The following MYZAP variants were observed in gnomAD, a reference collection of about 807,000 sequenced individuals.
MYZAP encodes the protein GRINL1A complex locus upstream.
Under a neutral mutation model 69.4 loss-of-function variants are expected in MYZAP, and 66 were observed. The observed-to-expected ratio is 0.95, with a 90% CI of 0.78 to 1.17. MYZAP has a LOEUF of 1.17. Ranked by LOEUF, MYZAP falls within the 50% of genes most tolerant of loss-of-function variation. The pLI is 0.00. For synonymous variants in MYZAP, 256 were observed against 205.9 expected (o/e 1.24, Z -2.09); for missense variants, 611 against 556.2 (o/e 1.10, Z -0.99).
Position 57,684,556 on chromosome 15 carries a change from C to G in MYZAP, c.*58C>G. 1.7e-6 allele frequency: 2 copies of G among 1,144,174 alleles called. No individual in the cohort carries two copies. Among genetic ancestry groups the G allele is most frequent in the Non-Finnish European group, 2.6e-6 (2 of 773,402 alleles). The allele number at this position is 1,144,174 out of a possible 1,614,324, so 70.9% of individuals were successfully genotyped here. A position where few individuals can be genotyped will look rare whatever the true frequency, so the allele number is the denominator to read the frequency against. ...CAAAAGCTCTGGAACCCTGTGGCTT[C>G]AAATCCTTTGGGAAGGGTGACTGTT... On this transcript the variant is annotated 3_prime_UTR_variant, in exon 13 of 13. Transcript: ENST00000267853.
rs147950865 is a variant in MYZAP, at chr15:57,655,285, A to G, written c.1120-6165A>G. 4.8e-3 allele frequency among the ~76,000 whole-genome samples: 731 copies of G among 152,314 alleles called. 5 individuals carry two copies. The highest frequency in any genetic ancestry group is 0.017 in the African/African-American group (691 of 41,572). On this transcript the variant is annotated intron_variant, in intron 10 of 12. Coordinates refer to ENST00000267853, the MANE Select transcript of MYZAP (RefSeq NM_001018100.5). ...TGTTCAAAGTCCTGGAGGCGGGACCATAGTGTGTTCATGCAGTGCTGAGAG... is the reference window on the plus strand; with the variant it reads ...TGTTCAAAGTCCTGGAGGCGGGACCGTAGTGTGTTCATGCAGTGCTGAGAG...
At chr15:57,650,303 C>A (rs2037664304) in intron 10 of MYZAP, among the ~76,000 whole-genome samples, 1 of 152,046 alleles carries the variant, frequency 6.6e-6, no homozygotes, top group South Asian at 2.1e-4. Context: ...TGAGGAGGAG[C>A]CAGGTACAAT....
intron 3 of MYZAP, among the ~76,000 whole-genome samples, chr15:57,620,081 G>A (rs148686638): frequency 6.6e-6 from 1 of 152,084 alleles, no homozygotes; most frequent in East Asian, 1.9e-4. Context: ...AGCAGCACAA[G>A]AGCCAGCTCA....
At chr15:57,611,598 C>G (rs1394076162) in intron 2 of MYZAP, among the ~76,000 whole-genome samples, 1 of 152,130 alleles carries the variant, frequency 6.6e-6, no homozygotes, top group Non-Finnish European at 1.5e-5. Context: ...AAATGCCACT[C>G]TCTTTGGGAC....
At chr15:57,655,920 G>A (rs2037989148) in intron 10 of MYZAP, among the ~76,000 whole-genome samples, 1 of 152,172 alleles carries the variant, frequency 6.6e-6, no homozygotes, top group African/African-American at 2.4e-5. Flanking sequence ...AAATCAAATA[G>A]GTGAGGTCCA....
At chr15:57,599,794 G>C (rs2034300654) in intron 1 of MYZAP, 4 of 996,118 alleles carry the variant, frequency 4.0e-6, no homozygotes, top group Admixed American at 2.3e-5. Context: ...GACTGTACTC[G>C]GACAACTTTA....
At chr15:57,621,267 G>A (rs1432545638) in intron 3 of MYZAP, among the ~76,000 whole-genome samples, 2 of 145,250 alleles carry the variant, frequency 1.4e-5, no homozygotes, top group Non-Finnish European at 3.0e-5. Context: ...CTGGAGTGCA[G>A]TGGCATGATC....
Position 57,639,558 on chromosome 15 carries a change from A to T in MYZAP, c.1119+13A>T, listed in dbSNP as rs763880046. ...GATGGTCGAGGAGGTAAGCATCTGC[A>T]AAAGGTCACAGGCCTGGGATTGCTT... On this transcript the variant is annotated intron_variant, in intron 10 of 12. Transcript: ENST00000267853. 5.6e-6 allele frequency: 9 copies of T among 1,611,486 alleles called. No homozygotes were observed. The Admixed American group carries it at 1.3e-4, about 24-fold the overall frequency.
intron 11 of MYZAP, among the ~76,000 whole-genome samples, chr15:57,671,245 G>T (rs1222361190): frequency 6.6e-6 from 1 of 151,996 alleles, no homozygotes; most frequent in Non-Finnish European, 1.5e-5. Flanking sequence ...TTGTTTCTGG[G>T]TTCCATGGTT....
At chr15:57,610,756 C>T (rs900019029) in intron 2 of MYZAP, among the ~76,000 whole-genome samples, 2 of 152,144 alleles carry the variant, frequency 1.3e-5, no homozygotes, top group Admixed American at 6.5e-5. Context: ...TGGCTGCCTC[C>T]ATCAGGCCCC....
Position 57,654,111 on chromosome 15 carries a change from A to G in MYZAP, c.1120-7339A>G, listed in dbSNP as rs140049532. Among the ~76,000 whole-genome samples, 753 of 146,994 alleles carry G rather than the reference A, an allele frequency of 5.1e-3. 8 individuals carry two copies. Among genetic ancestry groups the G allele is most frequent in the African/African-American group, 0.018 (718 of 39,748 alleles). ...AATTTCATTTTCCTAAGCTGTGACC[A>G]TTCATTCTGACATGGGTTTCAGTTT... On this transcript the variant is annotated intron_variant, in intron 10 of 12. Transcript: ENST00000267853.
At chr15:57,674,286 T>C (rs2039012061) in intron 11 of MYZAP, among the ~76,000 whole-genome samples, 1 of 152,234 alleles carries the variant, frequency 6.6e-6, no homozygotes, top group Admixed American at 6.5e-5. Context: ...AAATCTCCAA[T>C]TGCTGAGCAT....
intron 1 of MYZAP, among the ~76,000 whole-genome samples, chr15:57,592,720 G>A (rs1687042118): frequency 1.3e-5 from 2 of 152,184 alleles, no homozygotes; most frequent in Non-Finnish European, 2.9e-5. Context: ...CATCTCCAGG[G>A]AAGGTTTCCC....
At chr15:57,621,847 C>A in intron 4 of MYZAP, 147 bp downstream of exon 4, 2 of 709,922 alleles carry the variant, frequency 2.8e-6, no homozygotes, top group Non-Finnish European at 4.1e-6. Context: ...AATTTTATCA[C>A]AGAATGAAAT....
At chr15:57,599,414 A>G (rs2140320432) in intron 1 of MYZAP, 2 of 1,083,336 alleles carry the variant, frequency 1.8e-6, no homozygotes, top group Non-Finnish European at 2.3e-6. Flanking sequence ...CACAAGTAAT[A>G]GGTGCTCAGT....
chr15:57,678,456 A>G (rs2039252647), intron 12 of MYZAP, among the ~76,000 whole-genome samples: 1 of 152,242 alleles, frequency 6.6e-6, no homozygotes, highest in Non-Finnish European at 1.5e-5. Context: ...TACTATTAAT[A>G]TTAACTAAAC....
Position 57,591,933 on chromosome 15 carries a change from C to G in MYZAP, c.-102C>G. On this transcript the variant is annotated 5_prime_UTR_variant, in exon 1 of 13. Transcript: ENST00000267853. ...GCGGTGCAGCTGAGGCTGCAAGTAG[C>G]CGGCGCCGTCCCGCGTCGCCCCCGC... The G allele has an allele frequency of 1.8e-6, 2 of 1,123,434 alleles. No individual in the cohort carries two copies. Among genetic ancestry groups the G allele is most frequent in the South Asian group, 3.6e-5 (1 of 27,718 alleles). 69.6% of individuals were successfully genotyped at this position (1,123,434 alleles called of 1,614,324 possible).
At chr15:57,615,129 A>G (rs1436873613) in intron 2 of MYZAP, among the ~76,000 whole-genome samples, 1 of 152,134 alleles carries the variant, frequency 6.6e-6, no homozygotes, top group Non-Finnish European at 1.5e-5. Context: ...ACATTTACAC[A>G]AATGTTCAAT....
intron 3 of MYZAP, among the ~76,000 whole-genome samples, chr15:57,619,781 C>T (rs1368333229): frequency 2.6e-5 from 4 of 152,100 alleles, no homozygotes; most frequent in Admixed American, 6.5e-5. Context: ...TTAAATGCTC[C>T]GGAGGTATGG....
Sources: allele counts gnomAD v4.1 joint callset (sites outside exome capture counted in the v4.1 genomes callset), GRCh38; gene constraint gnomAD v4.1.1; transcripts MANE v1.5; gene names NCBI Gene and HGNC (gene_info 2026-07-23, HGNC 2026-07-21).